The following SZRD1 variants were observed in gnomAD, a reference collection of about 807,000 sequenced individuals.
SZRD1 encodes SUZ RNA-binding domain-containing.
SZRD1 carries 7 observed loss-of-function variants against 17.6 expected under a neutral mutation model. The observed-to-expected ratio is 0.40, with a 90% CI of 0.23 to 0.75. The LOEUF is 0.75. Ranked by LOEUF, SZRD1 falls within the 30% of genes least tolerant of loss-of-function variation. The pLI is 0.38. For synonymous variants in SZRD1, 77 were observed against 77.9 expected (o/e 0.99, Z 0.06); for missense variants, 178 against 201.8 (o/e 0.88, Z 0.71).
chr1:16,371,501 G>A (rs1183100589), intron 1 of SZRD1, among the ~76,000 whole-genome samples: 2 of 130,490 alleles, frequency 1.5e-5, no homozygotes, highest in South Asian at 2.3e-4. Context: ...TTGCTCTGTC[G>A]CCCAGGCTGG....
chr1:16,386,572 T>TCATG (rs1283607258), intron 1 of SZRD1, among the ~76,000 whole-genome samples: 2 of 152,294 alleles, frequency 1.3e-5, no homozygotes, highest in Admixed American at 6.5e-5. Context: ...ATAGACTGAC[T>TCATG]CATGATACCT....
At position 16,393,359 on chromosome 1, in the gene SZRD1, C is replaced by T. The variant is rs1001008743; in HGVS notation, c.233C>T (p.Thr78Ile). ...GGTGTGGTCAGCAGCCCCAACTCCACCAGCAGGCCCACCCTTCCAGTCAAG... is the reference window on the plus strand; with the variant it reads ...GGTGTGGTCAGCAGCCCCAACTCCATCAGCAGGCCCACCCTTCCAGTCAAG... The part of the protein sequence containing the change: ...SNGVVSSPNS[T>I]SRPTLPVKSL... Residue 78 changes from threonine to isoleucine, a missense_variant, in exon 3 of 4, where the codon ACC becomes ATC. This residue lies in a region of SZRD1 where 117 missense variants were observed against 108.7 expected (regional missense o/e 1.08). Transcript: ENST00000401088. The surrounding 1 kb of genome is among the most constrained non-coding windows in gnomAD (Gnocchi z 5.6). 3.7e-6 allele frequency: 6 copies of T among 1,614,220 alleles called. No individual in the cohort carries two copies. The highest frequency in any genetic ancestry group is 5.1e-6 in the Non-Finnish European group (6 of 1,180,042).
chr1:16,375,476 G>A (rs540468013), intron 1 of SZRD1, among the ~76,000 whole-genome samples: 119 of 152,014 alleles, frequency 7.8e-4, no homozygotes, highest in Middle Eastern at 3.4e-3. Context: ...CACCATGCCC[G>A]ACTCATGTTT....
At chr1:16,387,074 T>G in intron 1 of SZRD1, 1 of 316,070 alleles carries the variant, frequency 3.2e-6, no homozygotes, top group Non-Finnish European at 6.2e-6. Flanking sequence ...GAGCAGAAAA[T>G]GAATGTCTGG....
intron 1 of SZRD1, among the ~76,000 whole-genome samples, chr1:16,372,548 T>C (rs1005046716): frequency 1.3e-5 from 2 of 152,180 alleles, no homozygotes; most frequent in South Asian, 2.1e-4. Context: ...AAAAATGTAA[T>C]TGGACCAGTG....
In SZRD1 at chr1:16,393,250, A is replaced by C. The variant is rs766588893; in HGVS notation, c.124A>C (p.Lys42Gln). ...CAGCAGGAAATCCAAATCTCCTCCC[A>C]AAGTGCCCATTGTGATTCAGGACGA... ...KESRKSKSPP[K>Q]VPIVIQDDSL... Residue 42 changes from lysine to glutamine, a missense_variant, in exon 3 of 4, where the codon AAA becomes CAA. This residue lies in a region of SZRD1 where 117 missense variants were observed against 108.7 expected (regional missense o/e 1.08). Transcript: ENST00000401088. The surrounding 1 kb of genome is among the most constrained non-coding windows in gnomAD (Gnocchi z 5.6). 2.3e-5 allele frequency: 37 copies of C among 1,614,004 alleles called. No homozygotes were observed. Among genetic ancestry groups the C allele is most frequent in the Middle Eastern group, 1.6e-4 (1 of 6,082 alleles).
intron 1 of SZRD1, chr1:16,387,026 G>A: frequency 3.6e-6 from 1 of 278,526 alleles, no homozygotes; most frequent in Non-Finnish European, 7.1e-6. Flanking sequence ...TCTGACAGAA[G>A]GATAAAAGCT....
intron 1 of SZRD1, among the ~76,000 whole-genome samples, chr1:16,369,893 A>AC (rs1296520265): frequency 5.6e-5 from 8 of 142,804 alleles, no homozygotes; most frequent in East Asian, 2.0e-4. Flanking sequence ...CCATCAAAAA[A>AC]AAAAACAAAA....
rs2085252284 is a variant in SZRD1, at chr1:16,393,597, C to T, written c.356+115C>T. ...AAGCAAGCAGAGTCAGGGTAGGAAC[C>T]ATGCAGCTCCACTTGCTGATCCCAG... On this transcript the variant is annotated intron_variant, in intron 3 of 3. Coordinates refer to ENST00000401088, the MANE Select transcript of SZRD1 (RefSeq NM_001114600.3). The surrounding 1 kb of genome is among the most constrained non-coding windows in gnomAD (Gnocchi z 5.6). 1 of 1,144,978 alleles carries T rather than the reference C, an allele frequency of 8.7e-7. No individual in the cohort carries two copies. Among genetic ancestry groups the T allele is most frequent in the Non-Finnish European group, 1.2e-6 (1 of 819,348 alleles). 70.9% of individuals were successfully genotyped at this position (1,144,978 alleles called of 1,614,324 possible).
intron 1 of SZRD1, among the ~76,000 whole-genome samples, chr1:16,389,645 C>T (rs2085192116): frequency 6.6e-6 from 1 of 151,916 alleles, no homozygotes; most frequent in Non-Finnish European, 1.5e-5. Flanking sequence ...CGGGGTTTCA[C>T]CGCGTTAGCC....
chr1:16,393,318 G>A lies in SZRD1; in HGVS notation c.192G>A (p.Lys64=). 6.2e-7 allele frequency: 1 copy of A among 1,614,210 alleles called. No individual in the cohort carries two copies. The highest frequency in any genetic ancestry group is 2.2e-5 in the East Asian group (1 of 44,882). ...AGPPPQIRIL[K]RPTSNGVVSS... ...CCCCTCCACAGATCCGCATCCTCAA[G>A]AGGCCCACCAGCAACGGTGTGGTCA... Residue 64 remains lysine, a synonymous_variant, in exon 3 of 4, where the codon AAG becomes AAA. Coordinates refer to ENST00000401088, the MANE Select transcript of SZRD1 (RefSeq NM_001114600.3). The surrounding 1 kb of genome is among the most constrained non-coding windows in gnomAD (Gnocchi z 5.6).
chr1:16,367,326 TC>T lies in SZRD1; in HGVS notation c.51+21del. 6.5e-7 allele frequency: 1 copy of T among 1,546,960 alleles called. No individual in the cohort carries two copies. Among genetic ancestry groups the T allele is most frequent in the Non-Finnish European group, 8.7e-7 (1 of 1,145,396 alleles). On this transcript the variant is annotated intron_variant, in intron 1 of 3. Transcript: ENST00000401088. Reference sequence around the variant, plus strand: ...ACAGCGGGGTAAGGAGGAGCCGCCGTCCCATGGCAGGGCCGGGCGAGACCTG... The same window carrying T: ...ACAGCGGGGTAAGGAGGAGCCGCCGTCCATGGCAGGGCCGGGCGAGACCTG...
At chr1:16,374,500 A>G (rs954214868) in intron 1 of SZRD1, among the ~76,000 whole-genome samples, 2 of 152,250 alleles carry the variant, frequency 1.3e-5, no homozygotes, top group African/African-American at 4.8e-5. Context: ...GCCGTGGGCT[A>G]GAAATTCCAG....
chr1:16,380,464 G>A lies in SZRD1; in HGVS notation c.52-10911G>A, dbSNP rs551155055. On this transcript the variant is annotated intron_variant, in intron 1 of 3. Coordinates refer to ENST00000401088, the MANE Select transcript of SZRD1 (RefSeq NM_001114600.3). ...ATTACAAGCATGTGCCACCATGCCT[G>A]GCTTTTATTTTTTTTTTTGAGATGG... is the stretch of plus-strand genomic sequence containing the variant. Among the ~76,000 whole-genome samples, 4 of 150,404 alleles carry A rather than the reference G, an allele frequency of 2.7e-5. No homozygotes were observed. In the South Asian group the frequency reaches 6.3e-4, roughly 24 times the overall value.
chr1:16,380,612 G>A (rs1369629305), intron 1 of SZRD1, among the ~76,000 whole-genome samples: 1 of 152,156 alleles, frequency 6.6e-6, no homozygotes, highest in East Asian at 1.9e-4. Context: ...GGAATTACAG[G>A]CATGTGCCAT....
chr1:16,371,604 G>T (rs1317474761), intron 1 of SZRD1, among the ~76,000 whole-genome samples: 6 of 151,842 alleles, frequency 4.0e-5, no homozygotes, highest in Non-Finnish European at 8.8e-5. Flanking sequence ...TGGGACTACA[G>T]GCACCCACCA....
chr1:16,379,473 G>C (rs2083059065), intron 1 of SZRD1, among the ~76,000 whole-genome samples: 1 of 152,226 alleles, frequency 6.6e-6, no homozygotes, highest in South Asian at 2.1e-4. Flanking sequence ...TTAACTTCCG[G>C]GTATGCAGCA....
chr1:16,373,892 C>T (rs1338248494), intron 1 of SZRD1, among the ~76,000 whole-genome samples: 3 of 152,178 alleles, frequency 2.0e-5, no homozygotes, highest in Non-Finnish European at 4.4e-5. Context: ...CGTGAGCCAC[C>T]ACACCCGGCC....
intron 1 of SZRD1, chr1:16,367,588 C>T (rs1444581768): frequency 4.0e-6 from 2 of 500,178 alleles, no homozygotes; most frequent in South Asian, 2.6e-5. Context: ...TTTCCTGACC[C>T]CCCGCGCCCA....
Sources: allele counts gnomAD v4.1 joint callset (sites outside exome capture counted in the v4.1 genomes callset), GRCh38; gene constraint gnomAD v4.1.1; regional missense constraint gnomAD v4.1.1; non-coding constraint Gnocchi (gnomAD v3.1); transcripts MANE v1.5; gene names NCBI Gene and HGNC (gene_info 2026-07-23, HGNC 2026-07-21).